Variants in SLC24A2 observed in about 807,000 individuals in gnomAD.
SLC24A2 encodes the protein sodium/potassium/calcium exchanger 2.
A neutral mutation model predicts 62.0 loss-of-function variants in SLC24A2; 36 were observed. The observed-to-expected ratio is 0.58, with a 90% CI of 0.44 to 0.77. The LOEUF is 0.77. Ranked by LOEUF, SLC24A2 falls within the 30% of genes least tolerant of loss-of-function variation. The probability of loss-of-function intolerance (pLI) is 0.00; values close to 1 mark genes in which losing one functional copy is unlikely to be tolerated. For missense variants in SLC24A2, 846 were observed against 817.9 expected (o/e 1.03, Z -0.42); for synonymous variants, 358 against 294.0 (o/e 1.22, Z -2.23).
intron 2 of SLC24A2, among the ~76,000 whole-genome samples, chr9:19,645,576 G>C (rs946951488): frequency 6.6e-6 from 1 of 152,118 alleles, no homozygotes; most frequent in Non-Finnish European, 1.5e-5. Flanking sequence ...TGGGGCTTAG[G>C]ATAGGGGTGG....
chr9:20,073,066 A>G, the SLC24A2 span, among the ~76,000 whole-genome samples: 8 of 152,218 alleles, frequency 5.3e-5, no homozygotes, highest in Admixed American at 4.6e-4. Context: ...CACAAATGCT[A>G]TGACTGAAAA....
the SLC24A2 span, among the ~76,000 whole-genome samples, chr9:19,812,208 C>T: frequency 6.6e-6 from 1 of 152,086 alleles, no homozygotes; most frequent in Non-Finnish European, 1.5e-5. Flanking sequence ...GGAATGATTT[C>T]TATTTTTTCA....
chr9:19,711,866 T>C (rs1374423585), intron 2 of SLC24A2, among the ~76,000 whole-genome samples: 3 of 152,112 alleles, frequency 2.0e-5, no homozygotes, highest in Admixed American at 6.5e-5. Flanking sequence ...TGATACAAAC[T>C]AGACTCAGAA....
intron 8 of SLC24A2, among the ~76,000 whole-genome samples, chr9:19,530,063 T>C (rs1240094677): frequency 6.8e-6 from 1 of 148,034 alleles, no homozygotes; most frequent in Non-Finnish European, 1.5e-5. Context: ...ATTAGATCTT[T>C]ACTTATAAAA....
intron 2 of SLC24A2, among the ~76,000 whole-genome samples, chr9:19,736,341 T>C (rs1392069244): frequency 6.6e-6 from 1 of 152,114 alleles, no homozygotes; most frequent in Non-Finnish European, 1.5e-5. Flanking sequence ...AAATGCAAAT[T>C]GATTAAATCT....
chr9:20,065,284 C>G, the SLC24A2 span, among the ~76,000 whole-genome samples: 1 of 152,188 alleles, frequency 6.6e-6, no homozygotes, highest in Non-Finnish European at 1.5e-5. Context: ...GTCTCCCAGA[C>G]AAGACAAAGG....
At chr9:20,016,372 G>T in the SLC24A2 span, among the ~76,000 whole-genome samples, 58 of 152,196 alleles carry the variant, frequency 3.8e-4, no homozygotes, top group Non-Finnish European at 6.3e-4. Flanking sequence ...ATATAAATGT[G>T]GATGTATAAT....
chr9:20,211,280 A>G, the SLC24A2 span, among the ~76,000 whole-genome samples: 1 of 152,192 alleles, frequency 6.6e-6, no homozygotes, highest in Admixed American at 6.5e-5. Flanking sequence ...TGAGAGGCCA[A>G]GGCAGGTGAA....
At chr9:20,206,701 C>T in the SLC24A2 span, among the ~76,000 whole-genome samples, 1 of 152,038 alleles carries the variant, frequency 6.6e-6, no homozygotes, top group African/African-American at 2.4e-5. Flanking sequence ...ATGCTGGTCT[C>T]GAACTCCTGC....
chr9:19,758,770 T>A lies in SLC24A2; in HGVS notation c.930+27167A>T, dbSNP rs566214885. On this transcript the variant is annotated intron_variant, in intron 2 of 10. Coordinates refer to ENST00000341998, the MANE Select transcript of SLC24A2 (RefSeq NM_020344.4). ...GAAGGTAATTCCTTTTAAATAATGC[T>A]ATATTCAGTAAGAAAGAAATCAAGA... 3.3e-5 allele frequency among the ~76,000 whole-genome samples: 5 copies of A among 152,292 alleles called. No individual in the cohort carries two copies. In the South Asian group the frequency reaches 8.3e-4, roughly 25 times the overall value.
the SLC24A2 span, among the ~76,000 whole-genome samples, chr9:19,815,544 T>G: frequency 6.6e-6 from 1 of 152,146 alleles, no homozygotes; most frequent in Non-Finnish European, 1.5e-5. Context: ...TTAAATATTT[T>G]TAGACACTAA....
chr9:19,787,195 C>A (rs374862376), intron 1 of SLC24A2, among the ~76,000 whole-genome samples, 176 bp from the exon 2 acceptor site: 23 of 152,102 alleles, frequency 1.5e-4, no homozygotes, highest in Non-Finnish European at 3.1e-4. Flanking sequence ...GTACCTACCA[C>A]CCAGGATTGT....
At chr9:20,009,448 T>C in the SLC24A2 span, among the ~76,000 whole-genome samples, 58 of 151,314 alleles carry the variant, frequency 3.8e-4, no homozygotes, top group Non-Finnish European at 6.2e-4. Flanking sequence ...ACACAAATCT[T>C]GGTAGTTGCT....
At chr9:19,705,059 C>T (rs369760271) in intron 2 of SLC24A2, among the ~76,000 whole-genome samples, 1,597 of 152,184 alleles carry the variant, frequency 0.01, 13 homozygotes, top group South Asian at 0.043. Context: ...TTATTCATTT[C>T]TGTGAGTTGT....
the SLC24A2 span, among the ~76,000 whole-genome samples, chr9:19,912,995 A>C: frequency 2.6e-5 from 4 of 152,248 alleles, no homozygotes; most frequent in South Asian, 8.3e-4. Flanking sequence ...CCTTCTTCAA[A>C]GCCTATGACT....
At chr9:20,129,477 C>A in the SLC24A2 span, among the ~76,000 whole-genome samples, 1 of 151,982 alleles carries the variant, frequency 6.6e-6, no homozygotes, top group Non-Finnish European at 1.5e-5. Context: ...AACTTGTACA[C>A]GAATATTCAC....
At chr9:19,722,771 A>G (rs575556249) in intron 2 of SLC24A2, among the ~76,000 whole-genome samples, 1 of 152,270 alleles carries the variant, frequency 6.6e-6, no homozygotes, top group African/African-American at 2.4e-5. Context: ...ACAAAAAAGA[A>G]GATGACCCCC....
intron 2 of SLC24A2, among the ~76,000 whole-genome samples, chr9:19,751,260 A>C (rs761242761): frequency 6.6e-6 from 1 of 152,148 alleles, no homozygotes; most frequent in Non-Finnish European, 1.5e-5. Context: ...TCCTCACAAC[A>C]ACCCTAGGAG....
At chr9:19,838,474 C>CAG in the SLC24A2 span, among the ~76,000 whole-genome samples, 1 of 151,434 alleles carries the variant, frequency 6.6e-6, no homozygotes. Flanking sequence ...CACACACACA[C>CAG]ACACACACAC....
Sources: gnomAD v4.1 joint callset for allele counts (sites outside exome capture counted in the v4.1 genomes callset) on GRCh38, gnomAD v4.1.1 for gene constraint, MANE v1.5 for transcripts, NCBI Gene and HGNC (gene_info 2026-07-23, HGNC 2026-07-21) for gene names.